CFAP47: variants seen among roughly 807,000 people sequenced by gnomAD.
CFAP47 encodes the protein cilia- and flagella-associated protein 47.
In CFAP47, 29 loss-of-function variants were observed where a neutral mutation model predicts 148.1. That is an observed-to-expected ratio of 0.20 (90% CI 0.15 to 0.27). The LOEUF (loss-of-function observed/expected upper bound fraction) is 0.27, where lower values mean the gene tolerates loss of function less well. CFAP47 is among the 10% of genes least tolerant of loss of function. The pLI is 1.00. For missense variants in CFAP47, 1,872 were observed against 1,697.5 expected (o/e 1.10, Z -1.81); for synonymous variants, 664 against 577.3 (o/e 1.15, Z -2.15).
At chrX:36,170,626 A>T (rs371377431) in intron 39 of CFAP47, among the ~76,000 whole-genome samples, 12 of 109,368 alleles carry the variant, frequency 1.1e-4, no homozygotes, top group Admixed American at 2.9e-4. Flanking sequence ...GGACATGAAC[A>T]CATCATTTTT....
At chrX:36,130,254 A>T (rs1050443153) in intron 33 of CFAP47, among the ~76,000 whole-genome samples, 1 of 111,397 alleles carries the variant, frequency 9.0e-6, no homozygotes. Flanking sequence ...CTGATAAAAA[A>T]TGGGCAAAAA....
chrX:36,067,993 C>A (rs1019024919), intron 27 of CFAP47, among the ~76,000 whole-genome samples: 1 of 111,760 alleles, frequency 8.9e-6, no homozygotes, highest in African/African-American at 3.3e-5. Flanking sequence ...TCTTTAATTC[C>A]CAGGTATAAA....
intron 30 of CFAP47, among the ~76,000 whole-genome samples, chrX:36,095,221 C>T (rs1260606505): frequency 9.0e-6 from 1 of 111,692 alleles, no homozygotes; most frequent in East Asian, 2.8e-4. Flanking sequence ...CCATTCTTGA[C>T]TCAACAGGGA....
intron 48 of CFAP47, among the ~76,000 whole-genome samples, chrX:36,240,880 G>T (rs1940535278): frequency 9.0e-6 from 1 of 111,265 alleles, no homozygotes; most frequent in Admixed American, 9.6e-5. Context: ...TCATTTAAAA[G>T]AAAAAATGGG....
chrX:36,002,946 A>G (rs2146693893), intron 21 of CFAP47, among the ~76,000 whole-genome samples: 1 of 111,605 alleles, frequency 9.0e-6, no homozygotes, highest in South Asian at 3.7e-4. Context: ...AGAAAATGAT[A>G]AAGATTAATT....
intron 26 of CFAP47, among the ~76,000 whole-genome samples, chrX:36,055,975 G>A (rs749064419): frequency 4.8e-4 from 52 of 109,380 alleles, no homozygotes; most frequent in African/African-American, 1.5e-3. Flanking sequence ...AGAAGTGTCT[G>A]TTTATGTCCT....
chrX:36,378,771 C>T (rs1942048177), intron 62 of CFAP47, among the ~76,000 whole-genome samples: 2 of 109,251 alleles, frequency 1.8e-5, no homozygotes, highest in Non-Finnish European at 3.8e-5. Flanking sequence ...GAACTCATGA[C>T]CTCAGGTGAA....
At position 36,281,608 on chromosome X, in the gene CFAP47, A is replaced by G. The variant is rs139930901; in HGVS notation, c.7588+978A>G. Among the ~76,000 whole-genome samples the G allele has an allele frequency of 7.8e-4, 88 of 112,416 alleles. No individual in the cohort carries two copies. The East Asian group carries it at 0.022, about 29-fold the overall frequency. On this transcript the variant is annotated intron_variant, in intron 50 of 63. Transcript: ENST00000378653. ...GCCTTCAACTCATTGGAGGAGGCCT[A>G]CTCAATGGAAGATAATTTGCTTTAC...
intron 26 of CFAP47, among the ~76,000 whole-genome samples, chrX:36,060,151 T>G (rs1318107467): frequency 8.9e-6 from 1 of 111,840 alleles, no homozygotes; most frequent in East Asian, 2.8e-4. Flanking sequence ...CAGGTGTTTC[T>G]TATAGAAATG....
intron 57 of CFAP47, among the ~76,000 whole-genome samples, chrX:36,341,756 G>A (rs1282477522): frequency 2.7e-5 from 3 of 110,241 alleles, no homozygotes; most frequent in African/African-American, 9.9e-5. Flanking sequence ...TAATAATAAT[G>A]TCATTATTTT....
intron 37 of CFAP47, among the ~76,000 whole-genome samples, chrX:36,153,184 A>G (rs1345414724): frequency 8.9e-6 from 1 of 112,168 alleles, no homozygotes. Context: ...CTTCCAAAAT[A>G]CAATGATGGA....
chrX:36,213,169 T>G (rs188052857), intron 45 of CFAP47, among the ~76,000 whole-genome samples: 2 of 111,921 alleles, frequency 1.8e-5, no homozygotes, highest in Non-Finnish European at 3.8e-5. Flanking sequence ...CAATGTGTTT[T>G]ATATATTTGA....
intron 6 of CFAP47, 80 bp from the exon 7 acceptor site, chrX:35,953,512 T>C: frequency 1.4e-6 from 1 of 726,255 alleles, no homozygotes; most frequent in Non-Finnish European, 2.0e-6. Context: ...GATTTAAAGA[T>C]TGGATTGATA....
At chrX:35,925,934 C>A in intron 1 of CFAP47, 83 bp from the exon 2 acceptor site, 1 of 820,551 alleles carries the variant, frequency 1.2e-6, no homozygotes, top group Non-Finnish European at 1.7e-6. Flanking sequence ...GGATTACAGG[C>A]GTGAGCCATT....
intron 50 of CFAP47, 74 bp downstream of exon 50, chrX:36,280,704 G>C: frequency 5.0e-6 from 2 of 403,402 alleles, no homozygotes; most frequent in Non-Finnish European, 8.7e-6. Flanking sequence ...GAATGAAATA[G>C]ATAGTTTACA....
In CFAP47 at chrX:36,260,120, C is replaced by T. The variant is rs782611377; in HGVS notation, c.7444+8676C>T. On this transcript the variant is annotated intron_variant, in intron 49 of 63. Coordinates refer to ENST00000378653, the MANE Select transcript of CFAP47 (RefSeq NM_001304548.2). Reference sequence around the variant, plus strand: ...ATGTTTGTGTAACATTTTCTTTATTCAGTACACTCTTGATGGTCATCTTGG... The same window carrying T: ...ATGTTTGTGTAACATTTTCTTTATTTAGTACACTCTTGATGGTCATCTTGG... Among the ~76,000 whole-genome samples the T allele has an allele frequency of 9.9e-5, 11 of 110,807 alleles. No homozygotes were observed. The East Asian group carries it at 3.1e-3, about 31-fold the overall frequency.
At chrX:36,214,858 G>C (rs1340759253) in intron 45 of CFAP47, among the ~76,000 whole-genome samples, 1 of 111,292 alleles carries the variant, frequency 9.0e-6, no homozygotes, top group Non-Finnish European at 1.9e-5. Context: ...GTAACTGCCT[G>C]AGACTATTTT....
intron 49 of CFAP47, among the ~76,000 whole-genome samples, chrX:36,263,082 T>C (rs1164814520): frequency 4.4e-5 from 5 of 112,431 alleles, no homozygotes; most frequent in Non-Finnish European, 9.4e-5. Context: ...TATAGAGTTG[T>C]TTGAGCTCCT....
intron 49 of CFAP47, among the ~76,000 whole-genome samples, chrX:36,267,372 T>G (rs1763341879): frequency 9.0e-6 from 1 of 111,731 alleles, no homozygotes; most frequent in African/African-American, 3.3e-5. Context: ...TCTTTTTGGT[T>G]TTTTGCCATC....
Sources: gnomAD v4.1 joint callset for allele counts (sites outside exome capture counted in the v4.1 genomes callset) on GRCh38, gnomAD v4.1.1 for gene constraint, MANE v1.5 for transcripts, NCBI Gene and HGNC (gene_info 2026-07-23, HGNC 2026-07-21) for gene names.